The following POLR2F variants were observed in gnomAD, a reference collection of about 807,000 sequenced individuals.
POLR2F encodes the protein DNA-directed RNA polymerases I, II, and III subunit RPABC2.
In POLR2F, 12 loss-of-function variants were observed where a neutral mutation model predicts 22.7. That is an observed-to-expected ratio of 0.53 (90% CI 0.34 to 0.86). The LOEUF (loss-of-function observed/expected upper bound fraction) is 0.86. Ranked by LOEUF, POLR2F falls within the 40% of genes least tolerant of loss-of-function variation. The pLI is 0.02. For synonymous variants in POLR2F, 57 were observed against 66.0 expected (o/e 0.86, Z 0.66); for missense variants, 126 against 171.5 (o/e 0.73, Z 1.48).
chr22:37,990,873 T>C (rs1209287398), intron 1 of POLR2F, among the ~76,000 whole-genome samples: 10 of 152,244 alleles, frequency 6.6e-5, no homozygotes, highest in Non-Finnish European at 1.5e-4. Context: ...CCGTGCCTGA[T>C]CCAGTGTTTG....
At chr22:38,028,673 C>T (rs182723182), downstream of POLR2F, among the ~76,000 whole-genome samples, 130 of 152,152 alleles carry the variant, frequency 8.5e-4, 1 homozygote, top group Admixed American at 1.5e-3. Flanking sequence ...GAGAGGACAG[C>T]GGCCACATAG....
intron 4 of POLR2F, chr22:37,977,838 C>T (rs1161974809): frequency 6.3e-7 from 1 of 1,594,352 alleles, no homozygotes; most frequent in Non-Finnish European, 8.6e-7. Flanking sequence ...TGGCCTTGCC[C>T]CACCCTCAGC....
chr22:38,015,930 G>A (rs941176083), intron 1 of POLR2F, among the ~76,000 whole-genome samples: 7 of 151,926 alleles, frequency 4.6e-5, no homozygotes, highest in African/African-American at 1.2e-4. Flanking sequence ...TCTGAGTCTC[G>A]GCCTCTGCTG....
downstream of POLR2F, chr22:37,971,171 A>G (rs73886213): frequency 4.5e-3 from 2,097 of 464,042 alleles, 22 homozygotes; most frequent in African/African-American, 0.027. Flanking sequence ...AAGCAGAAGC[A>G]GGGGCTGCAA....
chr22:38,014,102 A>T (rs1181417937), intron 1 of POLR2F, among the ~76,000 whole-genome samples: 1 of 151,168 alleles, frequency 6.6e-6, no homozygotes, highest in Non-Finnish European at 1.5e-5. Context: ...AGCCTGGGCA[A>T]CAAGAGTGAA....
At chr22:37,992,254 G>T (rs73415901) in intron 1 of POLR2F, among the ~76,000 whole-genome samples, 5,332 of 152,274 alleles carry the variant, frequency 0.035, 301 homozygotes, top group African/African-American at 0.12. Flanking sequence ...AAGCAGATAA[G>T]GTATGTAAAC....
intron 5 of POLR2F, among the ~76,000 whole-genome samples, chr22:38,036,463 G>A (rs1432600805): frequency 6.6e-6 from 1 of 151,038 alleles, no homozygotes; most frequent in East Asian, 1.9e-4. Context: ...TTAGTGAACC[G>A]CCCTCATGGG....
intron 1 of POLR2F, among the ~76,000 whole-genome samples, chr22:38,020,005 ACT>A (rs2084946366): frequency 6.6e-6 from 1 of 151,738 alleles, no homozygotes. Context: ...CAAGAGCAAA[ACT>A]CTGTCTAAAA....
At chr22:38,034,919 G>T (rs2085100417) in intron 5 of POLR2F, among the ~76,000 whole-genome samples, 1 of 151,986 alleles carries the variant, frequency 6.6e-6, no homozygotes, top group Non-Finnish European at 1.5e-5. Context: ...GGGCTTTCCA[G>T]GATCCCACCC....
At position 37,968,274 on chromosome 22, in the gene POLR2F, C is replaced by T; in HGVS notation, c.*559C>T. 4 of 985,664 alleles carry T rather than the reference C, an allele frequency of 4.1e-6. No individual in the cohort carries two copies. Among genetic ancestry groups the T allele is most frequent in the Non-Finnish European group, 4.8e-6 (4 of 830,086 alleles). The allele number at this position is 985,664 out of a possible 1,614,324, so 61.1% of individuals were successfully genotyped here. A position where few individuals can be genotyped will look rare whatever the true frequency, so the allele number is the denominator to read the frequency against. On this transcript the variant is annotated 3_prime_UTR_variant, in exon 5 of 5. Coordinates refer to ENST00000442738, the MANE Select transcript of POLR2F (RefSeq NM_021974.5). Reference sequence around the variant, plus strand: ...TCTCCCACCCTCCCCAGGCAGAGCCCTGCTGGGCAAGTCAGCAGCTGGAGC... The same window carrying T: ...TCTCCCACCCTCCCCAGGCAGAGCCTTGCTGGGCAAGTCAGCAGCTGGAGC...
intron 1 of POLR2F, among the ~76,000 whole-genome samples, chr22:38,001,668 G>T (rs2084771358): frequency 6.6e-6 from 1 of 152,096 alleles, no homozygotes; most frequent in Non-Finnish European, 1.5e-5. Flanking sequence ...GAGTAGCTGG[G>T]ATTACAGGCA....
chr22:37,965,516 C>G (rs1406170112), intron 3 of POLR2F, among the ~76,000 whole-genome samples: 1 of 152,186 alleles, frequency 6.6e-6, no homozygotes, highest in Non-Finnish European at 1.5e-5. Context: ...TGAGTGAATG[C>G]CCTTGAATTA....
rs1414378171 is a variant in POLR2F at position 37,978,209 on chromosome 22, C to T, written c.293+11039C>T. The stretch of plus-strand genomic sequence containing the variant: ...TGCCAGAGCACTCCAGGTTGGCCTC[C>T]CTCTGAGTGTCCATCTTGGAAGATG... On this transcript the variant is annotated intron_variant, in intron 4 of 4. Transcript: ENST00000405557. This position sits in a 1 kb window ranked among gnomAD's most constrained non-coding sequence, Gnocchi z 5.0. The T allele has an allele frequency of 2.8e-6, 4 of 1,414,936 alleles. No individual in the cohort carries two copies. Among genetic ancestry groups the T allele is most frequent in the Non-Finnish European group, 2.8e-6 (3 of 1,075,006 alleles). The allele number at this position is 1,414,936 out of a possible 1,614,324, so 87.6% of individuals were successfully genotyped here. A position where few individuals can be genotyped will look rare whatever the true frequency, so the allele number is the denominator to read the frequency against.
chr22:37,990,232 G>A (rs920717629), intron 1 of POLR2F, among the ~76,000 whole-genome samples: 1 of 152,212 alleles, frequency 6.6e-6, no homozygotes, highest in African/African-American at 2.4e-5. Context: ...TCCATGGCCT[G>A]TCCCAACAGG....
intron 1 of POLR2F, among the ~76,000 whole-genome samples, chr22:38,020,559 C>A (rs2084952953): frequency 6.6e-6 from 1 of 151,832 alleles, no homozygotes; most frequent in Non-Finnish European, 1.5e-5. Flanking sequence ...CATAAGCCAC[C>A]ATGCCCGGCC....
chr22:37,992,138 A>G (rs1932739749), intron 1 of POLR2F, among the ~76,000 whole-genome samples: 1 of 152,106 alleles, frequency 6.6e-6, no homozygotes. Context: ...GCCTGGCTCT[A>G]GCTCCAGGTT....
chr22:38,008,464 G>A (rs2084842248), intron 1 of POLR2F, among the ~76,000 whole-genome samples: 1 of 151,928 alleles, frequency 6.6e-6, no homozygotes, highest in South Asian at 2.1e-4. Context: ...AGAATCGCTT[G>A]AACCTGGGAG....
At chr22:38,013,111 T>A (rs2084886252) in intron 1 of POLR2F, among the ~76,000 whole-genome samples, 1 of 151,192 alleles carries the variant, frequency 6.6e-6, no homozygotes, top group African/African-American at 2.4e-5. Flanking sequence ...CTTCCTTCCC[T>A]TCCTTCCCTT....
chr22:37,956,094 G>A (rs548049622), intron 1 of POLR2F, among the ~76,000 whole-genome samples: 3 of 147,042 alleles, frequency 2.0e-5, no homozygotes, highest in African/African-American at 7.9e-5. Context: ...TTGCGGTGGC[G>A]GGGGGGGGTT....
Sources: gnomAD v4.1 joint callset for allele counts (sites outside exome capture counted in the v4.1 genomes callset) on GRCh38, gnomAD v4.1.1 for gene constraint, Gnocchi (gnomAD v3.1) non-coding constraint, MANE v1.5 for transcripts, NCBI Gene and HGNC (gene_info 2026-07-23, HGNC 2026-07-21) for gene names.